Variants in FOCAD observed in about 807,000 individuals in gnomAD.
FOCAD encodes the protein KIAA1797.
A neutral mutation model predicts 225.6 loss-of-function variants in FOCAD; 198 were observed. The observed-to-expected ratio is 0.88, with a 90% confidence interval of 0.78 to 0.99. The LOEUF is 0.99. FOCAD is among the 50% of genes least tolerant of loss of function. FOCAD has a pLI of 0.00. For synonymous variants in FOCAD, 897 were observed against 755.0 expected (o/e 1.19, Z -3.08); for missense variants, 2,713 against 2,123.6 (o/e 1.28, Z -5.46).
chr9:20,804,863 G>A (rs1270383402), intron 11 of FOCAD, among the ~76,000 whole-genome samples: 3 of 151,856 alleles, frequency 2.0e-5, no homozygotes, highest in African/African-American at 7.3e-5. Context: ...AATCAGTGGC[G>A]GGGGGTGGGG....
chr9:20,978,991 C>G (rs550791523), intron 37 of FOCAD, among the ~76,000 whole-genome samples: 1 of 152,116 alleles, frequency 6.6e-6, no homozygotes, highest in African/African-American at 2.4e-5. Flanking sequence ...TTGAGCAAAG[C>G]GTTGAGAAAG....
rs1006372324 is a variant in FOCAD, at chr9:20,838,092, G to A, written c.1920+14977G>A. 3.9e-5 allele frequency among the ~76,000 whole-genome samples: 6 copies of A among 152,062 alleles called. No homozygotes were observed. In the East Asian group the frequency reaches 9.7e-4, roughly 25 times the overall value. ...AGAAATTGTATTTAAACAATGCAAT[G>A]TATACCTTTTCTTTTAAAGGTGTTT... On this transcript the variant is annotated intron_variant, in intron 15 of 43. Transcript: ENST00000338382.
intron 15 of FOCAD, among the ~76,000 whole-genome samples, chr9:20,860,010 T>C (rs1020818986): frequency 6.6e-6 from 1 of 152,062 alleles, no homozygotes; most frequent in Non-Finnish European, 1.5e-5. Context: ...TTTGTAAGTA[T>C]ACCAAAAACC....
chr9:20,662,630 A>T (rs530752796), intron 2 of FOCAD, among the ~76,000 whole-genome samples: 3 of 148,330 alleles, frequency 2.0e-5, no homozygotes, highest in Non-Finnish European at 4.5e-5. Context: ...CTATTTTTAA[A>T]TTTTTTTTTT....
In FOCAD at chr9:20,701,808, T is replaced by G. The variant is rs1823977194; in HGVS notation, c.-32-13514T>G. ...ATATGTAATGTTTGCGCATTAGACT[T>G]GATTACCTTTTTAGGATTGCAGTAT... On this transcript the variant is annotated intron_variant, in intron 1 of 43. Transcript: ENST00000338382. 2.0e-5 allele frequency among the ~76,000 whole-genome samples: 3 copies of G among 152,252 alleles called. No homozygotes were observed. The South Asian group carries it at 6.2e-4, about 32-fold the overall frequency.
At chr9:20,704,790 G>C (rs1255168882) in intron 1 of FOCAD, among the ~76,000 whole-genome samples, 3 of 152,096 alleles carry the variant, frequency 2.0e-5, no homozygotes, top group African/African-American at 7.2e-5. Flanking sequence ...AGTGATTTGG[G>C]TGTCAGAAAG....
chr9:20,815,452 C>T (rs1250117589), intron 11 of FOCAD, among the ~76,000 whole-genome samples: 2 of 151,674 alleles, frequency 1.3e-5, no homozygotes, highest in African/African-American at 2.4e-5. Flanking sequence ...GCCTCTCCTT[C>T]GTTTTTGAAG....
At chr9:20,941,797 C>T (rs1000734827) in intron 28 of FOCAD, among the ~76,000 whole-genome samples, 8 of 152,296 alleles carry the variant, frequency 5.3e-5, no homozygotes, top group East Asian at 1.9e-4. Context: ...GACACCAACA[C>T]TTAACTCCTT....
intron 35 of FOCAD, among the ~76,000 whole-genome samples, chr9:20,962,599 C>T (rs940810342): frequency 1.4e-4 from 22 of 152,140 alleles, no homozygotes; most frequent in African/African-American, 4.3e-4. Context: ...GACTTTTACT[C>T]TAAGGATTAC....
intron 28 of FOCAD, among the ~76,000 whole-genome samples, chr9:20,943,579 G>A (rs139688043): frequency 2.0e-5 from 3 of 152,154 alleles, no homozygotes; most frequent in African/African-American, 7.2e-5. Context: ...TTTGCACGTT[G>A]GGGGAAGTAA....
chr9:20,986,266 ATTTTTT>A lies in FOCAD; in HGVS notation c.4729-10_4729-5del. ...CAGTTAATTTAATAGTAACTAAACAATTTTTTTTTTTTTTTTTGCAGAGCAACATAG... is the reference window on the plus strand; with the variant it reads ...CAGTTAATTTAATAGTAACTAAACAATTTTTTTTTTTGCAGAGCAACATAG... On this transcript the variant is annotated splice_polypyrimidine_tract_variant and intron_variant, in intron 39 of 43. Coordinates refer to ENST00000338382, the MANE Select transcript of FOCAD (RefSeq NM_001375567.1). 3 of 705,620 alleles carry A rather than the reference ATTTTTT, an allele frequency of 4.3e-6. No homozygotes were observed. The highest frequency in any genetic ancestry group is 6.2e-5 in the Admixed American group (1 of 16,016). The allele number at this position is 705,620 out of a possible 1,614,324, so 43.7% of individuals were successfully genotyped here. A position where few individuals can be genotyped will look rare whatever the true frequency, so the allele number is the denominator to read the frequency against.
intron 30 of FOCAD, among the ~76,000 whole-genome samples, chr9:20,947,654 C>T (rs1181858433): frequency 6.6e-6 from 1 of 151,838 alleles, no homozygotes; most frequent in African/African-American, 2.4e-5. Context: ...TTTAAGTGTA[C>T]ATTAATACAA....
At chr9:20,937,867 TCAAA>T (rs1271869948) in intron 28 of FOCAD, among the ~76,000 whole-genome samples, 1 of 152,048 alleles carries the variant, frequency 6.6e-6, no homozygotes, top group Non-Finnish European at 1.5e-5. Flanking sequence ...TACAATGAAC[TCAAA>T]CAAATTCACA....
chr9:20,839,531 G>C (rs183472514), intron 15 of FOCAD, among the ~76,000 whole-genome samples: 3 of 152,018 alleles, frequency 2.0e-5, no homozygotes. Context: ...AAAGTGCTGA[G>C]ATTACAGGTG....
At chr9:20,674,483 A>G (rs964814622) in intron 2 of FOCAD, among the ~76,000 whole-genome samples, 2 of 152,204 alleles carry the variant, frequency 1.3e-5, no homozygotes, top group African/African-American at 4.8e-5. Context: ...TTAGGCCTGG[A>G]TATTATAAAG....
At chr9:20,811,179 G>A (rs1276980543) in intron 11 of FOCAD, among the ~76,000 whole-genome samples, 1 of 152,064 alleles carries the variant, frequency 6.6e-6, no homozygotes, top group Non-Finnish European at 1.5e-5. Context: ...AGCATTTACA[G>A]TGTGCTGGGA....
intron 31 of FOCAD, 149 bp from the exon 32 acceptor site, chr9:20,948,702 G>A: frequency 1.3e-6 from 1 of 770,784 alleles, no homozygotes; most frequent in Non-Finnish European, 2.1e-6. Context: ...TTAGTCTGCT[G>A]CCATTTTTGG....
Position 20,729,360 on chromosome 9 carries a change from A to G in FOCAD, c.287+8826A>G, listed in dbSNP as rs529031875. 2.0e-5 allele frequency among the ~76,000 whole-genome samples: 3 copies of G among 152,240 alleles called. No homozygotes were observed. The East Asian group carries it at 5.8e-4, about 29-fold the overall frequency. ...GCCTCTGTATGCTCATGGCTGACTT[A>G]CCTGTATATCTCTTTGTCTCCAATA... On this transcript the variant is annotated intron_variant, in intron 4 of 43. Coordinates refer to ENST00000338382, the MANE Select transcript of FOCAD (RefSeq NM_001375567.1).
chr9:20,956,277 A>G (rs1461709338), intron 35 of FOCAD, among the ~76,000 whole-genome samples: 1 of 152,236 alleles, frequency 6.6e-6, no homozygotes, highest in Non-Finnish European at 1.5e-5. Flanking sequence ...CTGTTTTCTG[A>G]TGAAATCATG....
Sources: allele counts gnomAD v4.1 joint callset (sites outside exome capture counted in the v4.1 genomes callset), GRCh38; gene constraint gnomAD v4.1.1; transcripts MANE v1.5; gene names NCBI Gene and HGNC (gene_info 2026-07-23, HGNC 2026-07-21).